ATRNL1: variants seen among roughly 807,000 people sequenced by gnomAD.
ATRNL1 encodes attractin like 1.
A neutral mutation model predicts 182.7 loss-of-function variants in ATRNL1; 95 were observed. The ratio of observed to expected loss-of-function variants is 0.52; its 90% CI spans 0.44 to 0.62. ATRNL1 has a LOEUF of 0.62. Ranked by LOEUF, ATRNL1 falls within the 20% of genes least tolerant of loss-of-function variation. The pLI is 0.00. For synonymous variants in ATRNL1, 576 were observed against 568.3 expected (o/e 1.01, Z -0.19); for missense variants, 1,471 against 1,679.5 (o/e 0.88, Z 2.17).
chr10:115,636,080 A>G (rs1555028000), intron 26 of ATRNL1, among the ~76,000 whole-genome samples: 3 of 152,150 alleles, frequency 2.0e-5, no homozygotes, highest in Admixed American at 1.3e-4. Context: ...AGTTACACAG[A>G]TATGTTCAAT....
At chr10:115,323,688 C>T (rs1854712836) in intron 18 of ATRNL1, among the ~76,000 whole-genome samples, 1 of 152,108 alleles carries the variant, frequency 6.6e-6, no homozygotes, top group Admixed American at 6.5e-5. Flanking sequence ...AGGTGATCTG[C>T]CCACCTTGGC....
At chr10:115,583,185 CT>C in intron 26 of ATRNL1, among the ~76,000 whole-genome samples, 1 of 148,676 alleles carries the variant, frequency 6.7e-6, no homozygotes, top group East Asian at 2.0e-4. Flanking sequence ...AGTGTGATGC[CT>C]CCAGCTTTGT....
At chr10:115,305,561 A>T (rs1853685818) in intron 17 of ATRNL1, among the ~76,000 whole-genome samples, 1 of 152,230 alleles carries the variant, frequency 6.6e-6, no homozygotes, top group African/African-American at 2.4e-5. Flanking sequence ...TGCCCAGGAG[A>T]GTTGAATACA....
intron 8 of ATRNL1, among the ~76,000 whole-genome samples, chr10:115,173,718 TTTC>T (rs1388376424): frequency 2.3e-4 from 35 of 151,918 alleles, no homozygotes; most frequent in African/African-American, 8.2e-4. Flanking sequence ...TGTTTAATGT[TTTC>T]TTGACCTGAA....
At chr10:115,398,605 G>A (rs646623) in intron 20 of ATRNL1, among the ~76,000 whole-genome samples, 56,946 of 151,812 alleles carry the variant, frequency 0.38, 11,532 homozygotes, top group African/African-American at 0.52. Flanking sequence ...AAGCTTTTGG[G>A]CCGAGACTAT....
chr10:115,283,809 T>A (rs1400826333), intron 14 of ATRNL1, among the ~76,000 whole-genome samples: 1 of 152,212 alleles, frequency 6.6e-6, no homozygotes, highest in Non-Finnish European at 1.5e-5. Context: ...GATAGTAAAG[T>A]TACTTTTGGT....
At chr10:115,638,288 G>A (rs1859020762) in intron 26 of ATRNL1, among the ~76,000 whole-genome samples, 2 of 152,108 alleles carry the variant, frequency 1.3e-5, no homozygotes, top group South Asian at 4.1e-4. Context: ...TTGTAACCTA[G>A]GAGCAATAAG....
At chr10:115,325,610 C>T (rs900445620) in intron 18 of ATRNL1, among the ~76,000 whole-genome samples, 5 of 152,242 alleles carry the variant, frequency 3.3e-5, no homozygotes, top group South Asian at 2.1e-4. Context: ...TACTTTCCAC[C>T]AGATGGATGA....
chr10:115,624,901 A>T (rs145557072), intron 26 of ATRNL1, among the ~76,000 whole-genome samples: 24 of 152,292 alleles, frequency 1.6e-4, no homozygotes, highest in African/African-American at 5.1e-4. Flanking sequence ...ATATCTTTAG[A>T]ATTTGTAACC....
chr10:115,114,595 T>G (rs1253067098), intron 1 of ATRNL1, among the ~76,000 whole-genome samples: 2 of 152,104 alleles, frequency 1.3e-5, no homozygotes, highest in African/African-American at 4.8e-5. Context: ...GAATAGACAT[T>G]TTTCAAAAGA....
chr10:115,320,827 T>A (rs1002776177), intron 18 of ATRNL1, among the ~76,000 whole-genome samples: 1 of 152,166 alleles, frequency 6.6e-6, no homozygotes, highest in South Asian at 2.1e-4. Flanking sequence ...TTCCTTTAGC[T>A]CAGCGTAGTT....
At chr10:115,589,724 TA>T (rs1855791649) in intron 26 of ATRNL1, among the ~76,000 whole-genome samples, 1 of 152,204 alleles carries the variant, frequency 6.6e-6, no homozygotes, top group Admixed American at 6.5e-5. Context: ...AACTTTGAAT[TA>T]TATTGCTTTG....
At position 115,616,134 on chromosome 10, in the gene ATRNL1, C is replaced by T. The variant is rs565153782; in HGVS notation, c.3795+66598C>T. ...TGAGACCTCAGTTGGAAATGAGAAA[C>T]TCATTGAGAACTGGAGCAAAGTTCA... is the stretch of plus-strand genomic sequence containing the variant. On this transcript the variant is annotated intron_variant, in intron 26 of 28. Transcript: ENST00000355044. 7.2e-5 allele frequency among the ~76,000 whole-genome samples: 11 copies of T among 152,238 alleles called. No homozygotes were observed. In the South Asian group the frequency reaches 2.1e-3, roughly 29 times the overall value.
In ATRNL1 at chr10:115,782,496, C is replaced by T. The variant is rs1949288648; in HGVS notation, c.3903+55141C>T. 2.0e-5 allele frequency among the ~76,000 whole-genome samples: 3 copies of T among 152,178 alleles called. No individual in the cohort carries two copies. In the South Asian group the frequency reaches 6.2e-4, roughly 31 times the overall value. On this transcript the variant is annotated intron_variant, in intron 27 of 28. Coordinates refer to ENST00000355044, the MANE Select transcript of ATRNL1 (RefSeq NM_207303.4). Reference sequence around the variant, plus strand: ...TAAGCCTCCTCATTTTGTTAAACCTCCTCACATCATCTAATTGATTATTAG... The same window carrying T: ...TAAGCCTCCTCATTTTGTTAAACCTTCTCACATCATCTAATTGATTATTAG...
intron 8 of ATRNL1, among the ~76,000 whole-genome samples, chr10:115,197,987 G>A (rs1564813467): frequency 6.6e-6 from 1 of 152,098 alleles, no homozygotes; most frequent in Non-Finnish European, 1.5e-5. Flanking sequence ...ACATGGAAAT[G>A]CAGATATCTT....
chr10:115,330,790 T>C (rs1855176357), intron 18 of ATRNL1, among the ~76,000 whole-genome samples: 1 of 152,160 alleles, frequency 6.6e-6, no homozygotes, highest in East Asian at 1.9e-4. Flanking sequence ...TTTGTTACCT[T>C]TCACCTTTCT....
intron 19 of ATRNL1, among the ~76,000 whole-genome samples, chr10:115,346,715 CTTATT>C (rs1855991939): frequency 6.8e-6 from 1 of 146,826 alleles, no homozygotes; most frequent in Non-Finnish European, 1.5e-5. Context: ...AAATCTTTTA[CTTATT>C]TTATAATTGG....
chr10:115,732,439 A>C (rs1256982467), intron 27 of ATRNL1, among the ~76,000 whole-genome samples: 1 of 152,194 alleles, frequency 6.6e-6, no homozygotes, highest in East Asian at 1.9e-4. Flanking sequence ...CTTTTTAAAG[A>C]CTGTTTTAAA....
intron 28 of ATRNL1, among the ~76,000 whole-genome samples, chr10:115,884,831 T>C (rs1346899295): frequency 6.6e-6 from 1 of 152,196 alleles, no homozygotes; most frequent in South Asian, 2.1e-4. Flanking sequence ...AATGGGAATA[T>C]AGTAATACCA....
Sources: allele counts gnomAD v4.1 joint callset (sites outside exome capture counted in the v4.1 genomes callset), GRCh38; gene constraint gnomAD v4.1.1; transcripts MANE v1.5; gene names NCBI Gene and HGNC (gene_info 2026-07-23, HGNC 2026-07-21).